COPS7A: variants seen among roughly 807,000 people sequenced by gnomAD.
The protein encoded by COPS7A is COP9 signalosome subunit 7A.
In COPS7A, 20 loss-of-function variants were observed where a neutral mutation model predicts 35.2. The ratio of observed to expected loss-of-function variants is 0.57; its 90% confidence interval spans 0.40 to 0.83. COPS7A has a LOEUF of 0.83. Ranked by LOEUF, COPS7A falls within the 40% of genes least tolerant of loss-of-function variation. The probability of loss-of-function intolerance (pLI) is 0.00; values close to 1 mark genes in which losing one functional copy is unlikely to be tolerated. For synonymous variants in COPS7A, 139 were observed against 141.4 expected, an observed-to-expected ratio of 0.98 and a Z score of 0.12; for missense variants, 247 against 347.5, an observed-to-expected ratio of 0.71 and a Z score of 2.30.
chr12:6,724,564 A>T, intron 1 of COPS7A, 50 bp from the exon 2 acceptor site: 1 of 1,509,490 alleles, frequency 6.6e-7, no homozygotes, highest in Non-Finnish European at 9.2e-7. Flanking sequence ...TGTGCTTCCC[A>T]TCCGACCAGC....
chr12:6,724,913 A>G (rs1244643331), intron 2 of COPS7A, 95 bp downstream of exon 2: 8 of 1,322,156 alleles, frequency 6.1e-6, no homozygotes, highest in East Asian at 2.3e-5. Context: ...TCCAATAACC[A>G]TTCAGTTGAA....
chr12:6,728,207 TGTCG>T lies in COPS7A; in HGVS notation c.239-15_239-12del, dbSNP rs1225715057. ...ACTGAAATCAGGATTCCTTACACTT[TGTCG>T]TTTTTCCCTAGCTGAAGCCCGGAAT... On this transcript the variant is annotated splice_polypyrimidine_tract_variant and intron_variant, in intron 3 of 7. Transcript: ENST00000543155. 1.1e-5 allele frequency: 17 copies of T among 1,612,198 alleles called. No homozygotes were observed. The highest frequency in any genetic ancestry group is 1.4e-5 in the Non-Finnish European group (16 of 1,178,580).
intron 4 of COPS7A, among the ~76,000 whole-genome samples, chr12:6,728,814 A>C (rs1456144707): frequency 6.6e-6 from 1 of 152,202 alleles, no homozygotes; most frequent in Non-Finnish European, 1.5e-5. Flanking sequence ...CTCTATTGAG[A>C]GATACCTCCA....
chr12:6,726,365 A>G (rs1265908315), intron 2 of COPS7A, among the ~76,000 whole-genome samples: 1 of 151,986 alleles, frequency 6.6e-6, no homozygotes, highest in Non-Finnish European at 1.5e-5. Context: ...GCACTTTGGG[A>G]GGCCGAGGTG....
chr12:6,731,288 C>T lies in COPS7A; in HGVS notation c.*249C>T. 2 of 1,433,758 alleles carry T rather than the reference C, an allele frequency of 1.4e-6. No homozygotes were observed. Among genetic ancestry groups the T allele is most frequent in the Admixed American group, 2.8e-5 (1 of 36,092 alleles). The allele number at this position is 1,433,758 out of a possible 1,614,324, so 88.8% of individuals were successfully genotyped here. A position where few individuals can be genotyped will look rare whatever the true frequency, so the allele number is the denominator to read the frequency against. Reference sequence around the variant, plus strand: ...ATTGCTCCCCGCTGCCATGCTCTCTCCCTTGTTTCCTTAAGAGCTCAGCAT... The same window carrying T: ...ATTGCTCCCCGCTGCCATGCTCTCTTCCTTGTTTCCTTAAGAGCTCAGCAT... On this transcript the variant is annotated 3_prime_UTR_variant, in exon 8 of 8. Transcript: ENST00000543155.
chr12:6,729,108 C>T lies in COPS7A; in HGVS notation c.328-139C>T. ...ACTTTTATTTATTTTGCTTTAGAAC[C>T]AGCCTCTTAGAGGAAGTGATTTAGG... On this transcript the variant is annotated intron_variant, in intron 4 of 7. Transcript: ENST00000543155. This position sits in a 1 kb window ranked among gnomAD's most constrained non-coding sequence, Gnocchi z 4.2. 9.4e-6 allele frequency: 7 copies of T among 742,436 alleles called. No individual in the cohort carries two copies. Among genetic ancestry groups the T allele is most frequent in the Non-Finnish European group, 1.6e-5 (7 of 440,196 alleles). The allele number at this position is 742,436 out of a possible 1,614,324, so 46.0% of individuals were successfully genotyped here.
chr12:6,729,579 A>C lies in COPS7A; in HGVS notation c.530+130A>C. 1 of 977,760 alleles carries C rather than the reference A, an allele frequency of 1.0e-6. No homozygotes were observed. The highest frequency in any genetic ancestry group is 1.5e-6 in the Non-Finnish European group (1 of 666,560). 60.6% of individuals were successfully genotyped at this position (977,760 alleles called of 1,614,324 possible). On this transcript the variant is annotated intron_variant, in intron 5 of 7. Coordinates refer to ENST00000543155, the MANE Select transcript of COPS7A (RefSeq NM_001164094.2). This position sits in a 1 kb window ranked among gnomAD's most constrained non-coding sequence, Gnocchi z 4.2. ...CAAGAGGATGAAGGGAAATGAGTTCATCCCTCCAAAGGCTTCTGGGGAATG... is the reference window on the plus strand; with the variant it reads ...CAAGAGGATGAAGGGAAATGAGTTCCTCCCTCCAAAGGCTTCTGGGGAATG...
rs376745830 is a variant in COPS7A at position 6,728,204 on chromosome 12, C to G, written c.239-19C>G. The G allele has an allele frequency of 6.2e-7, 1 of 1,611,290 alleles. No individual in the cohort carries two copies. Among genetic ancestry groups the G allele is most frequent in the African/African-American group, 1.3e-5 (1 of 74,834 alleles). ...AAAACTGAAATCAGGATTCCTTACACTTTGTCGTTTTTCCCTAGCTGAAGC... is the reference window on the plus strand; with the variant it reads ...AAAACTGAAATCAGGATTCCTTACAGTTTGTCGTTTTTCCCTAGCTGAAGC... On this transcript the variant is annotated intron_variant, in intron 3 of 7. Coordinates refer to ENST00000543155, the MANE Select transcript of COPS7A (RefSeq NM_001164094.2).
rs200625984 is a variant in COPS7A at position 6,730,642 on chromosome 12, C to G, written c.637-27C>G. ...CTGGAAGGTTCTGGAACCTTCCTTG[C>G]TATCCCCATTCCTTTCATCCTGGTA... On this transcript the variant is annotated intron_variant, in intron 6 of 7. Transcript: ENST00000543155. 505 of 1,613,470 alleles carry G rather than the reference C, an allele frequency of 3.1e-4. 1 individual carries two copies. The highest frequency in any genetic ancestry group is 4.1e-4 in the Non-Finnish European group (481 of 1,179,672).
intron 1 of COPS7A, 120 bp from the exon 2 acceptor site, chr12:6,724,494 C>A: frequency 1.2e-6 from 1 of 832,532 alleles, no homozygotes; most frequent in Non-Finnish European, 2.0e-6. Flanking sequence ...TAGACCGCTC[C>A]ATGTCTGATT....
Position 6,731,158 on chromosome 12 carries a change from C to T in COPS7A, c.*119C>T, listed in dbSNP as rs1941386609. The T allele has an allele frequency of 1.3e-6, 2 of 1,594,454 alleles. No individual in the cohort carries two copies. The highest frequency in any genetic ancestry group is 1.3e-5 in the African/African-American group (1 of 74,414). ...TGATAATCCTAGGTTCATGACCCTT[C>T]ACCTCCCCTAACCCCAAACATAGAT... On this transcript the variant is annotated 3_prime_UTR_variant, in exon 8 of 8. Transcript: ENST00000543155.
rs745924120 is a variant in COPS7A at position 6,724,613 on chromosome 12, G to A, written c.-43-1G>A. 1.2e-6 allele frequency: 2 copies of A among 1,613,094 alleles called. No individual in the cohort carries two copies. The highest frequency in any genetic ancestry group is 1.1e-5 in the South Asian group (1 of 90,992). On this transcript the variant is annotated splice_acceptor_variant, in intron 1 of 7. Coordinates refer to ENST00000543155, the MANE Select transcript of COPS7A (RefSeq NM_001164094.2). LOFTEE classifies it low-confidence loss of function (5UTR_SPLICE). ...TAGCTTCACATCCTCTTTCCTTGCA[G>A]CTCTGGACATCCTGAGCCCAAGTCC...
chr12:6,725,379 G>A lies in COPS7A; in HGVS notation c.162+561G>A, dbSNP rs190487806. Among the ~76,000 whole-genome samples, 556 of 152,084 alleles carry A rather than the reference G, an allele frequency of 3.7e-3. 1 individual carries two copies. Among genetic ancestry groups the A allele is most frequent in the Admixed American group, 6.1e-3 (93 of 15,264 alleles). On this transcript the variant is annotated intron_variant, in intron 2 of 7. Transcript: ENST00000543155. ...TCACTGTGTTAGCCAGGATGATCTC[G>A]ATCTCCTGACCTCGTGATCCGCCCG...
chr12:6,725,540 G>A (rs1941231751), intron 2 of COPS7A: 1 of 446,084 alleles, frequency 2.2e-6, no homozygotes, highest in Non-Finnish European at 4.6e-6. Flanking sequence ...GTGAAGTCTG[G>A]TACAAGTGGA....
Position 6,731,218 on chromosome 12 carries a change from A to T in COPS7A, c.*179A>T, listed in dbSNP as rs1398851947. Reference sequence around the variant, plus strand: ...TCTAGGGAGGAGGCAAATGTAGGTCATGTTTTTGTTGGTACTTTCTGTTTT... The same window carrying T: ...TCTAGGGAGGAGGCAAATGTAGGTCTTGTTTTTGTTGGTACTTTCTGTTTT... On this transcript the variant is annotated 3_prime_UTR_variant, in exon 8 of 8. Coordinates refer to ENST00000543155, the MANE Select transcript of COPS7A (RefSeq NM_001164094.2). The T allele has an allele frequency of 1.3e-6, 2 of 1,482,634 alleles. No individual in the cohort carries two copies. Among genetic ancestry groups the T allele is most frequent in the Non-Finnish European group, 1.8e-6 (2 of 1,116,126 alleles). 91.8% of individuals were successfully genotyped at this position (1,482,634 alleles called of 1,614,324 possible). A position where few individuals can be genotyped will look rare whatever the true frequency, so the allele number is the denominator to read the frequency against.
At chr12:6,727,598 A>C in intron 2 of COPS7A, 1 of 490,922 alleles carries the variant, frequency 2.0e-6, no homozygotes, top group Non-Finnish European at 4.0e-6. Flanking sequence ...GAGGGCAGGC[A>C]ACACAATTTG....
intron 3 of COPS7A, 77 bp downstream of exon 3, chr12:6,728,078 C>A: frequency 1.3e-6 from 2 of 1,522,102 alleles, no homozygotes; most frequent in Non-Finnish European, 1.8e-6. Flanking sequence ...GAAGAAATTC[C>A]TGGGATATCC....
Position 6,729,365 on chromosome 12 carries a change from A to G in COPS7A, c.446A>G (p.Asn149Ser), listed in dbSNP as rs1941336149. Residue 149 changes from asparagine (N) to serine (S), a missense_variant, in exon 5 of 8, where the codon AAC (asparagine) becomes AGC (serine). Transcript: ENST00000543155. This position sits in a 1 kb window ranked among gnomAD's most constrained non-coding sequence, Gnocchi z 4.2. ...CTTCGTGGCTCCCTGGACCAGCGCA[A>G]CCAGCGGCTCGAGGTTGACTACAGC... is the stretch of plus-strand genomic sequence containing the variant. ...DVLRGSLDQR[N>S]QRLEVDYSIG... is the part of the protein sequence containing the mutation. The G allele has an allele frequency of 1.2e-6, 2 of 1,614,208 alleles. No homozygotes were observed.
At position 6,731,053 on chromosome 12, in the gene COPS7A, T is replaced by C; in HGVS notation, c.*14T>C. ...AAGTCGAATTGAAAGGACTGTCGTTTCCTCCCTGGGGATGTGGGGTCCCAG... is the reference window on the plus strand; with the variant it reads ...AAGTCGAATTGAAAGGACTGTCGTTCCCTCCCTGGGGATGTGGGGTCCCAG... On this transcript the variant is annotated 3_prime_UTR_variant, in exon 8 of 8. Coordinates refer to ENST00000543155, the MANE Select transcript of COPS7A (RefSeq NM_001164094.2). The C allele has an allele frequency of 6.2e-7, 1 of 1,614,000 alleles. No individual in the cohort carries two copies. The highest frequency in any genetic ancestry group is 8.5e-7 in the Non-Finnish European group (1 of 1,179,978).
Sources: allele counts gnomAD v4.1 joint callset (sites outside exome capture counted in the v4.1 genomes callset), GRCh38; gene constraint gnomAD v4.1.1; non-coding constraint Gnocchi (gnomAD v3.1); transcripts MANE v1.5; gene names NCBI Gene and HGNC (gene_info 2026-07-23, HGNC 2026-07-21).